Variants in SPRY1 observed in about 807,000 individuals in gnomAD.
The protein encoded by SPRY1 is sprouty RTK signaling antagonist 1, also known as protein sprouty homolog 1.
Under a neutral mutation model 22.6 loss-of-function variants are expected in SPRY1, and 20 were observed. The ratio of observed to expected loss-of-function variants is 0.89; its 90% confidence interval spans 0.62 to 1.29. The LOEUF (loss-of-function observed/expected upper bound fraction) is 1.29, where lower values mean the gene tolerates loss of function less well. SPRY1 is among the 50% of genes most tolerant of loss of function. The probability of loss-of-function intolerance (pLI) is 0.00; values close to 1 mark genes in which losing one functional copy is unlikely to be tolerated. For missense variants in SPRY1, 446 were observed against 387.7 expected, an observed-to-expected ratio of 1.15 and a Z score of -1.26; for synonymous variants, 155 against 144.7, an observed-to-expected ratio of 1.07 and a Z score of -0.51.
At chr4:123,397,550 G>C (rs771387778) in intron 1 of SPRY1, 61 bp from the exon 2 acceptor site, 5 of 152,156 alleles carry the variant, frequency 3.3e-5, no homozygotes. Context: ...GCCCGCCCGG[G>C]GTCCCAGCCC....
At chr4:123,399,133 T>TG (rs34330217) in intron 2 of SPRY1, among the ~76,000 whole-genome samples, 3 of 151,902 alleles carry the variant, frequency 2.0e-5, no homozygotes, top group East Asian at 1.9e-4. Context: ...TCCCAGCACT[T>TG]GGGGGGGCCG....
chr4:123,402,982 A>G lies in SPRY1; in HGVS notation c.*431A>G. 1 of 420,318 alleles carries G rather than the reference A, an allele frequency of 2.4e-6. No individual in the cohort carries two copies. 26.0% of individuals were successfully genotyped at this position (420,318 alleles called of 1,614,324 possible). On this transcript the variant is annotated 3_prime_UTR_variant, in exon 3 of 3. Coordinates refer to ENST00000651917, the MANE Select transcript of SPRY1 (RefSeq NM_001258038.2). ...ATTGCTTAAATAAGCTATGTATTAA[A>G]TCTGTCTCCAGTTAGGGCTATCTTC...
chr4:123,401,187 A>T (rs1211440620), intron 2 of SPRY1, among the ~76,000 whole-genome samples: 1 of 152,230 alleles, frequency 6.6e-6, no homozygotes, highest in Non-Finnish European at 1.5e-5. Context: ...GATGAGAGTT[A>T]TTCTCCTGCT....
chr4:123,402,323 T>G lies in SPRY1; in HGVS notation c.732T>G (p.Asn244Lys), dbSNP rs774111531. ...ACGAAGGGGATTCCTATTCAGATAA[T>G]CCTTGCTCCTGTTCACAATCACACT... is the stretch of plus-strand genomic sequence containing the variant. The part of the protein sequence containing the change: ...NDDEGDSYSD[N>K]PCSCSQSHCC... The change falls in exon 3 of 3, where the codon AAT becomes AAG. Residue 244 changes from asparagine (N) to lysine (K), a missense_variant. Physicochemically the swap from Asn to Lys is moderately conservative, Grantham distance 94. Transcript: ENST00000651917. 1 of 1,614,220 alleles carries G rather than the reference T, an allele frequency of 6.2e-7. No individual in the cohort carries two copies. Among genetic ancestry groups the G allele is most frequent in the Non-Finnish European group, 8.5e-7 (1 of 1,180,024 alleles).
chr4:123,401,776 G>GA lies in SPRY1; in HGVS notation c.186dup (p.Pro63ThrfsTer13). On this transcript the variant is annotated frameshift_variant, in exon 3 of 3. Transcript: ENST00000651917. LOFTEE classifies it high-confidence loss of function. ...ACAGAAGGGCCTTCGGTGGTGAAAA[G>GA]ACCTGCTCCTCGGACAGCACCAAGA... 1.2e-6 allele frequency: 2 copies of GA among 1,614,208 alleles called. No homozygotes were observed.
chr4:123,401,766 G>A lies in SPRY1; in HGVS notation c.175G>A (p.Val59Met), dbSNP rs780510324. ...CAATGAATACACAGAAGGGCCTTCGGTGGTGAAAAGACCTGCTCCTCGGAC... is the reference window on the plus strand; with the variant it reads ...CAATGAATACACAGAAGGGCCTTCGATGGTGAAAAGACCTGCTCCTCGGAC... Reference protein sequence around the residue: ...GSNEYTEGPSVVKRPAPRTAP... With the variant: ...GSNEYTEGPSMVKRPAPRTAP... Residue 59 changes from valine to methionine, a missense_variant, in exon 3 of 3, where the codon GTG becomes ATG. By Grantham distance (21) the Val-to-Met change is conservative. Coordinates refer to ENST00000651917, the MANE Select transcript of SPRY1 (RefSeq NM_001258038.2). 6.2e-7 allele frequency: 1 copy of A among 1,614,218 alleles called. No homozygotes were observed. Among genetic ancestry groups the A allele is most frequent in the Non-Finnish European group, 8.5e-7 (1 of 1,180,038 alleles).
chr4:123,399,178 A>G (rs1039227149), intron 2 of SPRY1, among the ~76,000 whole-genome samples: 6 of 152,164 alleles, frequency 3.9e-5, no homozygotes, highest in African/African-American at 1.4e-4. Flanking sequence ...GGAGTTCGAG[A>G]CCAGCCCGAC....
rs374261636 is a variant in SPRY1, at chr4:123,402,355, C to G, written c.764C>G (p.Ser255Cys). 112 of 1,614,212 alleles carry G rather than the reference C, an allele frequency of 6.9e-5. No homozygotes were observed. The highest frequency in any genetic ancestry group is 4.5e-4 in the African/African-American group (34 of 75,066). Residue 255 changes from serine to cysteine, a missense_variant, in exon 3 of 3, where the codon TCT becomes TGT. Transcript: ENST00000651917. ...TCCTGTTCACAATCACACTGCTGCT[C>G]TAGATACCTGTGTATGGGAGCCATG... ...PCSCSQSHCC[S>C]RYLCMGAMSL...
At chr4:123,399,102 C>T (rs961457770) in intron 2 of SPRY1, among the ~76,000 whole-genome samples, 5 of 150,552 alleles carry the variant, frequency 3.3e-5, no homozygotes, top group Non-Finnish European at 7.4e-5. Flanking sequence ...GTCGGCTGGG[C>T]GCGGTGGCTC....
rs6857211 is a variant in SPRY1 at position 123,400,729 on chromosome 4, G to A, written c.-55-808G>A. 2.1e-3 allele frequency among the ~76,000 whole-genome samples: 327 copies of A among 152,212 alleles called. 2 individuals carry two copies. Among genetic ancestry groups the A allele is most frequent in the African/African-American group, 7.2e-3 (299 of 41,524 alleles). ...AACTGCCAGGATTTCCCTACACTGC[G>A]TTAAAGGCCTCACACTTATTTGTGC... is the stretch of plus-strand genomic sequence containing the variant. On this transcript the variant is annotated intron_variant, in intron 2 of 2. Transcript: ENST00000651917.
At position 123,397,600 on chromosome 4, in the gene SPRY1, C is replaced by A. The variant is rs1048505730; in HGVS notation, c.-301-11C>A. The A allele has an allele frequency of 1.3e-5, 2 of 152,164 alleles. No individual in the cohort carries two copies. The highest frequency in any genetic ancestry group is 2.9e-5 in the Non-Finnish European group (2 of 68,044). 9.4% of individuals were successfully genotyped at this position (152,164 alleles called of 1,614,324 possible). ...CATTCACGAGCTTCTATCTCTAATTCTCTGTCGCAGGCATTTCGGCCGTGG... is the reference window on the plus strand; with the variant it reads ...CATTCACGAGCTTCTATCTCTAATTATCTGTCGCAGGCATTTCGGCCGTGG... On this transcript the variant is annotated splice_polypyrimidine_tract_variant and intron_variant, in intron 1 of 2. Coordinates refer to ENST00000651917, the MANE Select transcript of SPRY1 (RefSeq NM_001258038.2).
At position 123,401,891 on chromosome 4, in the gene SPRY1, A is replaced by C; in HGVS notation, c.300A>C (p.Ala100=). 6.2e-7 allele frequency: 1 copy of C among 1,614,218 alleles called. No homozygotes were observed. Among genetic ancestry groups the C allele is most frequent in the South Asian group, 1.1e-5 (1 of 91,090 alleles). ...GACACACAAGCCACCTGGGACATGC[A>C]GTACTCCCAAGTAATGCCAGGGGCC... The part of the protein sequence containing the change: ...EHRHTSHLGH[A]VLPSNARGPI... The change falls in exon 3 of 3, where the codon GCA becomes GCC. Residue 100 remains alanine, a synonymous_variant. Coordinates refer to ENST00000651917, the MANE Select transcript of SPRY1 (RefSeq NM_001258038.2).
chr4:123,402,096 T>G lies in SPRY1; in HGVS notation c.505T>G (p.Ser169Ala). Residue 169 changes from serine (S) to alanine (A), a missense_variant, in exon 3 of 3, where the codon TCC (serine) becomes GCC (alanine). By Grantham distance (99) the Ser-to-Ala change is moderately conservative. Coordinates refer to ENST00000651917, the MANE Select transcript of SPRY1 (RefSeq NM_001258038.2). Reference sequence around the variant, plus strand: ...ACTGATTGTGGATGACTTGAAGGGTTCCTTGAAAGAGGACCTGACACAGCA... The same window carrying G: ...ACTGATTGTGGATGACTTGAAGGGTGCCTTGAAAGAGGACCTGACACAGCA... ...KQLIVDDLKG[S>A]LKEDLTQHKF... 1 of 1,614,184 alleles carries G rather than the reference T, an allele frequency of 6.2e-7. No homozygotes were observed. The highest frequency in any genetic ancestry group is 8.5e-7 in the Non-Finnish European group (1 of 1,180,034).
chr4:123,401,509 GT>G (rs1560732131), intron 2 of SPRY1, 27 bp from the exon 3 acceptor site: 7 of 1,515,564 alleles, frequency 4.6e-6, no homozygotes, highest in South Asian at 1.3e-5. Context: ...TTTATTTTCT[GT>G]TTTTTTCATC....
chr4:123,398,424 C>A (rs1442439483), intron 2 of SPRY1: 2 of 151,170 alleles, frequency 1.3e-5, no homozygotes, highest in African/African-American at 4.8e-5. Context: ...CCCTCCCCGC[C>A]GCGGTTGATG....
chr4:123,399,100 G>A (rs1365559053), intron 2 of SPRY1, among the ~76,000 whole-genome samples: 2 of 150,832 alleles, frequency 1.3e-5, no homozygotes, highest in Non-Finnish European at 3.0e-5. Context: ...AAGTCGGCTG[G>A]GCGCGGTGGC....
At chr4:123,397,044 C>G (rs1203568584) in intron 1 of SPRY1, 112 bp downstream of exon 1, 1 of 152,206 alleles carries the variant, frequency 6.6e-6, no homozygotes, top group East Asian at 1.9e-4. Context: ...GCTAAGGTTA[C>G]TGGTTGCATT....
chr4:123,398,369 G>A (rs1725000165), intron 2 of SPRY1: 1 of 151,176 alleles, frequency 6.6e-6, no homozygotes, highest in African/African-American at 2.4e-5. Context: ...CGGGGGCGGG[G>A]GAGGCCGCGA....
chr4:123,400,251 C>G (rs1725093399), intron 2 of SPRY1: 1 of 152,092 alleles, frequency 6.6e-6, no homozygotes, highest in South Asian at 2.1e-4. Flanking sequence ...CTCGAGAGAG[C>G]TGAGTTGTGA....
Sources: gnomAD v4.1 joint callset for allele counts (sites outside exome capture counted in the v4.1 genomes callset) on GRCh38, gnomAD v4.1.1 for gene constraint, MANE v1.5 for transcripts, NCBI Gene and HGNC (gene_info 2026-07-23, HGNC 2026-07-21) for gene names.